Variants in ZNF91 observed in about 807,000 individuals in gnomAD.
ZNF91 encodes zinc finger protein 91 (HPF7, HTF10).
ZNF91 carries 7 observed loss-of-function variants against 12.6 expected under a neutral mutation model. The observed-to-expected ratio is 0.55, with a 90% CI of 0.31 to 1.04. The LOEUF is 1.04. Among genes scored for constraint, ZNF91 ranks in the 50% least tolerant of loss-of-function variants. ZNF91 has a pLI of 0.05. For synonymous variants in ZNF91, 453 were observed against 462.6 expected (o/e 0.98, Z 0.27); for missense variants, 1,217 against 1,385.4 (o/e 0.88, Z 1.93).
intron 3 of ZNF91, among the ~76,000 whole-genome samples, chr19:23,342,804 A>T (rs761810973): frequency 1.3e-4 from 19 of 151,708 alleles, no homozygotes; most frequent in Non-Finnish European, 2.4e-4. Flanking sequence ...CTAACATTGC[A>T]TCTCTACACA....
intron 1 of ZNF91, chr19:23,325,073 T>A (rs1469515823): frequency 1.3e-5 from 2 of 151,582 alleles, no homozygotes; most frequent in African/African-American, 4.8e-5. Flanking sequence ...TCTAGTATAC[T>A]TTTAGCAAAC....
At chr19:23,325,265 T>G (rs1305527941) in intron 1 of ZNF91, 1 of 152,010 alleles carries the variant, frequency 6.6e-6, no homozygotes, top group Admixed American at 6.6e-5. Flanking sequence ...CTTAGAGACA[T>G]GTGCAACACT....
At chr19:23,365,720 C>T (rs1017411266) in intron 3 of ZNF91, among the ~76,000 whole-genome samples, 1 of 152,004 alleles carries the variant, frequency 6.6e-6, no homozygotes, top group Non-Finnish European at 1.5e-5. Flanking sequence ...TGCGGCCTTC[C>T]GCAGTGTTTG....
rs1968856088 is a variant in ZNF91, at chr19:23,362,612, T to G, written c.367A>C (p.Arg123=). 6.3e-7 allele frequency: 1 copy of G among 1,591,454 alleles called. No individual in the cohort carries two copies. The highest frequency in any genetic ancestry group is 1.4e-5 in the African/African-American group (1 of 73,626). Residue 123 remains arginine (R), a synonymous_variant, in exon 4 of 4, where the codon AGA becomes CGA. Transcript: ENST00000300619. ...EKCGHENLQL[R]KGCKSVDECK... ...TCATCCACACTTTTACAACCTTTTC[T>G]TAACTGTAAATTCTCATGTCCACAT...
intron 1 of ZNF91, among the ~76,000 whole-genome samples, chr19:23,322,297 C>T (rs565372632): frequency 1.3e-5 from 2 of 152,124 alleles, no homozygotes; most frequent in Non-Finnish European, 2.9e-5. Context: ...ATTGCTGGAC[C>T]TAGAACCTAG....
At chr19:23,369,710 A>G (rs1294248075) in intron 3 of ZNF91, among the ~76,000 whole-genome samples, 3 of 151,798 alleles carry the variant, frequency 2.0e-5, no homozygotes, top group Non-Finnish European at 2.9e-5. Context: ...CTTACCCCCA[A>G]CCCTGTGCTC....
chr19:23,346,958 T>A (rs770330545), intron 3 of ZNF91, among the ~76,000 whole-genome samples: 2 of 152,144 alleles, frequency 1.3e-5, no homozygotes, highest in African/African-American at 4.8e-5. Context: ...ACGCCAAAGA[T>A]CCTACATACT....
At chr19:23,365,170 TAATAA>T (rs1968952123) in intron 3 of ZNF91, among the ~76,000 whole-genome samples, 1 of 151,750 alleles carries the variant, frequency 6.6e-6, no homozygotes, top group African/African-American at 2.4e-5. Flanking sequence ...AATTTTGATG[TAATAA>T]AAGAAAAAAA....
At chr19:23,372,217 A>G (rs939117564) in intron 3 of ZNF91, among the ~76,000 whole-genome samples, 1 of 151,668 alleles carries the variant, frequency 6.6e-6, no homozygotes, top group Non-Finnish European at 1.5e-5. Context: ...AGTGACATTA[A>G]TAAGATAAAA....
At chr19:23,353,009 T>C (rs1968404776), downstream of ZNF91, among the ~76,000 whole-genome samples, 1 of 152,172 alleles carries the variant, frequency 6.6e-6, no homozygotes, top group African/African-American at 2.4e-5. Flanking sequence ...ACTGTAATAG[T>C]GGCAAACTTC....
chr19:23,350,108 A>T (rs533670177), intron 3 of ZNF91, among the ~76,000 whole-genome samples: 1 of 152,358 alleles, frequency 6.6e-6, no homozygotes, highest in South Asian at 2.1e-4. Context: ...TTATCAAAAC[A>T]GGCTAGCACT....
At chr19:23,305,807 A>C (rs1156542432) in intron 3 of ZNF91, among the ~76,000 whole-genome samples, 1 of 152,248 alleles carries the variant, frequency 6.6e-6, no homozygotes, top group African/African-American at 2.4e-5. Context: ...GAAGGAAAGC[A>C]AGGTCCAGAA....
rs1968556983 is a variant in ZNF91, at chr19:23,358,473, A to C, written c.*930T>G. On this transcript the variant is annotated 3_prime_UTR_variant, in exon 4 of 4. Transcript: ENST00000300619. ...ATAAATAATGCCTCTTCATATTTGTAATGCTTTTTCAAAATACTCTTCTGT... is the reference window on the plus strand; with the variant it reads ...ATAAATAATGCCTCTTCATATTTGTCATGCTTTTTCAAAATACTCTTCTGT... The C allele has an allele frequency of 6.6e-6, 1 of 152,156 alleles. No individual in the cohort carries two copies. The highest frequency in any genetic ancestry group is 2.4e-5 in the African/African-American group (1 of 41,438). The allele number at this position is 152,156 out of a possible 1,614,324, so 9.4% of individuals were successfully genotyped here.
intron 2 of ZNF91, 43 bp from the exon 3 acceptor site, chr19:23,373,880 TC>T: frequency 7.0e-7 from 1 of 1,438,760 alleles, no homozygotes; most frequent in Non-Finnish European, 9.5e-7. Flanking sequence ...GCTCATATTC[TC>T]CACCTGCCAA....
intron 1 of ZNF91, among the ~76,000 whole-genome samples, chr19:23,375,586 T>C (rs1969477816): frequency 6.6e-6 from 1 of 152,218 alleles, no homozygotes; most frequent in Non-Finnish European, 1.5e-5. Context: ...ATGCCAATGT[T>C]TTGACCCCAA....
Position 23,360,942 on chromosome 19 carries a change from A to G in ZNF91, c.2037T>C (p.Thr679=), listed in dbSNP as rs1451062787. The change falls in exon 4 of 4, where the codon ACT becomes ACC. Residue 679 remains threonine (T), a synonymous_variant. Coordinates refer to ENST00000300619, the MANE Select transcript of ZNF91 (RefSeq NM_003430.4). ...ATTTGTAGGGTTTCTCTTCAGTATG[A>G]GTTATCTTATGATTAGCAAGGGTTG... The part of the protein sequence containing the change: ...NSSTLANHKI[T]HTEEKPYKCK... The G allele has an allele frequency of 6.2e-7, 1 of 1,613,296 alleles. No individual in the cohort carries two copies. The highest frequency in any genetic ancestry group is 1.1e-5 in the South Asian group (1 of 91,038).
chr19:23,395,404 G>A lies in ZNF91; in HGVS notation c.-50C>T, dbSNP rs201488380. ...GCAGGTCACAGGGCCACACAGGCTGGGCCTCCTGGAGCAGAGGACACAGAG... is the reference window on the plus strand; with the variant it reads ...GCAGGTCACAGGGCCACACAGGCTGAGCCTCCTGGAGCAGAGGACACAGAG... On this transcript the variant is annotated 5_prime_UTR_variant, in exon 1 of 4. Transcript: ENST00000300619. 2.8e-5 allele frequency: 45 copies of A among 1,608,512 alleles called. No homozygotes were observed. In the East Asian group the frequency reaches 9.2e-4, roughly 33 times the overall value.
chr19:23,368,990 G>A (rs1211718331), intron 3 of ZNF91, among the ~76,000 whole-genome samples: 1 of 151,956 alleles, frequency 6.6e-6, no homozygotes, highest in Non-Finnish European at 1.5e-5. Flanking sequence ...TTTTTTAAAA[G>A]CACCAAATCT....
Position 23,359,544 on chromosome 19 carries a change from C to T in ZNF91, c.3435G>A (p.Gln1145=), listed in dbSNP as rs1968624614. 6.2e-7 allele frequency: 1 copy of T among 1,613,924 alleles called. No individual in the cohort carries two copies. ...TCTTATGGTTAGTAAGGATTGAAGA[C>T]TGGTTAAAGGCTTTGCCACATTTTT... ...KCEKCGKAFN[Q]SSILTNHKKI... The change falls in exon 4 of 4, where the codon CAG becomes CAA. Residue 1145 remains glutamine, a synonymous_variant. Coordinates refer to ENST00000300619, the MANE Select transcript of ZNF91 (RefSeq NM_003430.4).
Sources: gnomAD v4.1 joint callset for allele counts (sites outside exome capture counted in the v4.1 genomes callset) on GRCh38, gnomAD v4.1.1 for gene constraint, MANE v1.5 for transcripts, NCBI Gene and HGNC (gene_info 2026-07-23, HGNC 2026-07-21) for gene names.